Variants in KLF12 observed in about 807,000 individuals in gnomAD.
The protein encoded by KLF12 is Krueppel-like factor 12.
KLF12 carries 9 observed loss-of-function variants against 37.8 expected under a neutral mutation model. That is an observed-to-expected ratio of 0.24 (90% CI 0.14 to 0.42). The LOEUF is 0.42. Among genes scored for constraint, KLF12 ranks in the 10% least tolerant of loss-of-function variants. The pLI, the probability that KLF12 is intolerant of heterozygous loss-of-function variation, is 1.00. For missense variants in KLF12, 411 were observed against 516.0 expected (o/e 0.80, Z 1.97); for synonymous variants, 208 against 202.1 (o/e 1.03, Z -0.25).
intron 3 of KLF12, among the ~76,000 whole-genome samples, chr13:73,936,467 G>A (rs1178056095): frequency 6.6e-6 from 1 of 152,012 alleles, no homozygotes; most frequent in Non-Finnish European, 1.5e-5. Flanking sequence ...CTGCTGTATG[G>A]CCGACCTTTC....
chr13:74,301,101 G>C, the KLF12 span, among the ~76,000 whole-genome samples: 1 of 152,114 alleles, frequency 6.6e-6, no homozygotes, highest in African/African-American at 2.4e-5. Flanking sequence ...CTAACTTGCT[G>C]TTTTAAAAAA....
At chr13:74,133,042 CG>C (rs1397571676) in intron 1 of KLF12, among the ~76,000 whole-genome samples, 1 of 152,186 alleles carries the variant, frequency 6.6e-6, no homozygotes, top group East Asian at 1.9e-4. Flanking sequence ...TTGTCAACTC[CG>C]GCCAGGTCCC....
intron 2 of KLF12, among the ~76,000 whole-genome samples, chr13:73,986,022 T>C (rs1395387959): frequency 6.6e-6 from 1 of 152,176 alleles, no homozygotes; most frequent in African/African-American, 2.4e-5. Flanking sequence ...GTATGGGTTG[T>C]AAGTAAGTGC....
At chr13:74,048,096 C>A (rs1893594874) in intron 1 of KLF12, among the ~76,000 whole-genome samples, 1 of 152,176 alleles carries the variant, frequency 6.6e-6, no homozygotes, top group African/African-American at 2.4e-5. Context: ...CACCCACATT[C>A]CAGGCAACAG....
intron 1 of KLF12, among the ~76,000 whole-genome samples, chr13:74,003,587 A>G (rs995483108): frequency 4.6e-5 from 7 of 152,226 alleles, no homozygotes; most frequent in Non-Finnish European, 8.8e-5. Flanking sequence ...CCACTAAAAT[A>G]TAATTTCAAG....
At chr13:73,825,529 T>C (rs1883788955) in intron 4 of KLF12, among the ~76,000 whole-genome samples, 1 of 152,158 alleles carries the variant, frequency 6.6e-6, no homozygotes, top group African/African-American at 2.4e-5. Flanking sequence ...AGAAAGCCCA[T>C]TTTGGTTTTG....
chr13:74,075,954 T>C (rs779410599), intron 1 of KLF12, among the ~76,000 whole-genome samples: 13 of 152,220 alleles, frequency 8.5e-5, no homozygotes, highest in African/African-American at 1.7e-4. Flanking sequence ...TTTGTTATAA[T>C]TACCTATACT....
chr13:74,098,712 A>G (rs559833727), intron 1 of KLF12, among the ~76,000 whole-genome samples: 1 of 152,382 alleles, frequency 6.6e-6, no homozygotes, highest in East Asian at 1.9e-4. Flanking sequence ...AAGAACCATT[A>G]TACAAATCAG....
the KLF12 span, among the ~76,000 whole-genome samples, chr13:74,240,278 C>T: frequency 5.0e-5 from 7 of 139,956 alleles, no homozygotes; most frequent in African/African-American, 2.0e-4. Context: ...GGCCCCCACT[C>T]TCTTCTGGCT....
chr13:73,702,018 A>G (rs1445045320), intron 7 of KLF12, among the ~76,000 whole-genome samples: 1 of 152,140 alleles, frequency 6.6e-6, no homozygotes, highest in African/African-American at 2.4e-5. Context: ...GACATACCAC[A>G]CACACACACA....
chr13:74,023,280 G>T (rs530862790), intron 1 of KLF12, among the ~76,000 whole-genome samples: 1 of 152,318 alleles, frequency 6.6e-6, no homozygotes, highest in East Asian at 1.9e-4. Flanking sequence ...TTTCGAGAAC[G>T]TTAAAAATTA....
the KLF12 span, among the ~76,000 whole-genome samples, chr13:74,247,215 TTGA>T: frequency 2.6e-5 from 4 of 152,236 alleles, no homozygotes; most frequent in African/African-American, 7.2e-5. Context: ...ACAAACGCTC[TTGA>T]TGATGAAGAT....
At chr13:73,780,222 T>A (rs576683166) in intron 5 of KLF12, among the ~76,000 whole-genome samples, 1 of 152,250 alleles carries the variant, frequency 6.6e-6, no homozygotes, top group Non-Finnish European at 1.5e-5. Flanking sequence ...CTTGGACAGA[T>A]GAAGTCATTT....
chr13:74,020,341 C>T (rs548950681), intron 1 of KLF12, among the ~76,000 whole-genome samples: 96 of 152,232 alleles, frequency 6.3e-4, no homozygotes, highest in South Asian at 2.1e-3. Flanking sequence ...AACGGGTACC[C>T]TAATCACTAC....
At chr13:73,899,373 A>G (rs12877181) in intron 3 of KLF12, among the ~76,000 whole-genome samples, 1 of 152,150 alleles carries the variant, frequency 6.6e-6, no homozygotes, top group Non-Finnish European at 1.5e-5. Context: ...AGTGACTTGG[A>G]GGACAATAAT....
rs535637519 is a variant in KLF12 at position 73,703,656 on chromosome 13, A to G, written c.1028-7985T>C. ...GCATATAGTACTTTCCATGTACCATACTTTGCTCTAAGAGCTTTATGGATA... is the reference window on the plus strand; with the variant it reads ...GCATATAGTACTTTCCATGTACCATGCTTTGCTCTAAGAGCTTTATGGATA... On this transcript the variant is annotated intron_variant, in intron 7 of 7. Coordinates refer to ENST00000377669, the MANE Select transcript of KLF12 (RefSeq NM_007249.5). 8.9e-4 allele frequency among the ~76,000 whole-genome samples: 136 copies of G among 152,352 alleles called. 1 individual carries two copies. Among genetic ancestry groups the G allele is most frequent in the African/African-American group, 3.1e-3 (128 of 41,588 alleles).
chr13:73,790,707 A>G (rs193009393), intron 5 of KLF12, among the ~76,000 whole-genome samples: 130 of 152,364 alleles, frequency 8.5e-4, no homozygotes, highest in Non-Finnish European at 7.5e-4. Context: ...CTAAGAAACC[A>G]AAGAACTCTC....
intron 3 of KLF12, among the ~76,000 whole-genome samples, chr13:73,915,634 T>A (rs1593719651): frequency 6.7e-6 from 1 of 149,538 alleles, no homozygotes; most frequent in South Asian, 2.1e-4. Flanking sequence ...TGCCTCAGCC[T>A]CCCAAGTAGC....
At chr13:73,984,913 T>C (rs555022325) in intron 2 of KLF12, among the ~76,000 whole-genome samples, 1 of 152,308 alleles carries the variant, frequency 6.6e-6, no homozygotes, top group African/African-American at 2.4e-5. Context: ...GGGTGGGGGA[T>C]ATGTCCCCTC....
Sources: gnomAD v4.1 joint callset for allele counts (sites outside exome capture counted in the v4.1 genomes callset) on GRCh38, gnomAD v4.1.1 for gene constraint, MANE v1.5 for transcripts, NCBI Gene and HGNC (gene_info 2026-07-23, HGNC 2026-07-21) for gene names.